The following MEF2A variants were observed in gnomAD, a reference collection of about 807,000 sequenced individuals.
MEF2A encodes the protein myocyte enhancer factor 2A, also known as myocyte-specific enhancer factor 2A.
A neutral mutation model predicts 55.8 loss-of-function variants in MEF2A; 28 were observed. The ratio of observed to expected loss-of-function variants is 0.50; its 90% CI spans 0.37 to 0.69. The LOEUF (loss-of-function observed/expected upper bound fraction) is 0.69, where lower values mean the gene tolerates loss of function less well. Ranked by LOEUF, MEF2A falls within the 30% of genes least tolerant of loss-of-function variation. The pLI is 0.00. For missense variants in MEF2A, 528 were observed against 626.2 expected, an observed-to-expected ratio of 0.84 and a Z score of 1.67; for synonymous variants, 239 against 227.1, an observed-to-expected ratio of 1.05 and a Z score of -0.47.
intron 4 of MEF2A, among the ~76,000 whole-genome samples, chr15:99,667,165 G>A (rs1490874127): frequency 6.6e-6 from 1 of 152,118 alleles, no homozygotes; most frequent in Non-Finnish European, 1.5e-5. Context: ...AGTGAGTTGG[G>A]TGGTTTCACA....
chr15:99,696,054 T>C (rs1246398052), intron 8 of MEF2A, among the ~76,000 whole-genome samples: 2 of 152,174 alleles, frequency 1.3e-5, no homozygotes, highest in Middle Eastern at 3.2e-3. Flanking sequence ...TAGTCCACTT[T>C]CCAAGAAATA....
intron 3 of MEF2A, among the ~76,000 whole-genome samples, chr15:99,638,397 T>A (rs909619205): frequency 1.3e-5 from 2 of 152,174 alleles, no homozygotes; most frequent in African/African-American, 4.8e-5. Context: ...TGTGTCCCAT[T>A]TTTTTCCTTC....
intron 2 of MEF2A, among the ~76,000 whole-genome samples, chr15:99,631,742 G>A (rs1260093417): frequency 2.6e-5 from 4 of 151,768 alleles, no homozygotes; most frequent in Non-Finnish European, 5.9e-5. Flanking sequence ...TAGGTTATCA[G>A]TTAATAGATG....
At chr15:99,607,897 G>A (rs1161207097) in intron 2 of MEF2A, among the ~76,000 whole-genome samples, 3 of 152,174 alleles carry the variant, frequency 2.0e-5, no homozygotes, top group Non-Finnish European at 4.4e-5. Context: ...TCTCTAAGGA[G>A]TTCAAGGTGC....
At position 99,699,905 on chromosome 15, in the gene MEF2A, G is replaced by A. The variant is rs74246795; in HGVS notation, c.859-3457G>A. On this transcript the variant is annotated intron_variant, in intron 8 of 11. Transcript: ENST00000557942. ...GGGGGTTGGGGGTGGGGTCTAGAAT[G>A]AGCCTGTGTTTCAGGGTTATAGTTG... Among the ~76,000 whole-genome samples the A allele has an allele frequency of 1.8e-3, 272 of 151,942 alleles. 6 individuals are homozygous for A. The East Asian group carries it at 0.029, about 16-fold the overall frequency.
chr15:99,682,932 A>G (rs1186708644), intron 7 of MEF2A, among the ~76,000 whole-genome samples: 1 of 152,230 alleles, frequency 6.6e-6, no homozygotes, highest in Non-Finnish European at 1.5e-5. Context: ...ACACATATTC[A>G]TGCCATTGTA....
intron 1 of MEF2A, among the ~76,000 whole-genome samples, chr15:99,581,927 CAG>C (rs1425569629): frequency 2.0e-5 from 3 of 151,938 alleles, no homozygotes; most frequent in Non-Finnish European, 2.9e-5. Context: ...AGAGCCAAAA[CAG>C]AAAAAGAAGA....
At chr15:99,658,746 C>T (rs573092187) in intron 4 of MEF2A, among the ~76,000 whole-genome samples, 1 of 152,220 alleles carries the variant, frequency 6.6e-6, no homozygotes, top group Admixed American at 6.5e-5. Context: ...AAATGATATC[C>T]TAAGTGTGCT....
intron 4 of MEF2A, among the ~76,000 whole-genome samples, chr15:99,664,413 G>C (rs2049220928): frequency 6.6e-6 from 1 of 152,178 alleles, no homozygotes; most frequent in Non-Finnish European, 1.5e-5. Flanking sequence ...ACCAAGGCTG[G>C]TTTGCAAAAT....
intron 1 of MEF2A, among the ~76,000 whole-genome samples, chr15:99,571,106 C>T (rs1044990281): frequency 6.6e-6 from 1 of 151,904 alleles, no homozygotes; most frequent in African/African-American, 2.4e-5. Flanking sequence ...ATCGCTTGAA[C>T]CCAGGAGGCA....
At chr15:99,675,296 A>T in intron 6 of MEF2A, 103 bp from the exon 7 acceptor site, 1 of 1,017,728 alleles carries the variant, frequency 9.8e-7, no homozygotes, top group Non-Finnish European at 1.6e-6. Context: ...TCTTTTTAGG[A>T]TTAGAGTGAG....
intron 7 of MEF2A, among the ~76,000 whole-genome samples, chr15:99,676,160 A>C (rs1597073920): frequency 6.6e-6 from 1 of 152,350 alleles, no homozygotes; most frequent in Admixed American, 6.5e-5. Flanking sequence ...ACAAAGTAGG[A>C]ATAAATGCCT....
chr15:99,613,317 C>A (rs538880459), intron 2 of MEF2A, among the ~76,000 whole-genome samples: 1 of 152,152 alleles, frequency 6.6e-6, no homozygotes, highest in Non-Finnish European at 1.5e-5. Context: ...AAATTGAGAA[C>A]CACTGCATTA....
chr15:99,678,171 G>T (rs565759833), intron 7 of MEF2A, among the ~76,000 whole-genome samples: 33 of 152,066 alleles, frequency 2.2e-4, no homozygotes, highest in Non-Finnish European at 4.3e-4. Context: ...AACCCAACTT[G>T]TAAGTTATTT....
At chr15:99,703,081 A>T (rs915316307) in intron 8 of MEF2A, among the ~76,000 whole-genome samples, 2 of 152,222 alleles carry the variant, frequency 1.3e-5, no homozygotes, top group African/African-American at 4.8e-5. Context: ...TTGCAGTAGC[A>T]TGACTATGTA....
rs199613639 is a variant in MEF2A, at chr15:99,712,390, T to C, written c.1137T>C (p.Val379=). The C allele has an allele frequency of 8.9e-4, 1,360 of 1,530,620 alleles. No individual in the cohort carries two copies. Among genetic ancestry groups the C allele is most frequent in the Non-Finnish European group, 1.1e-3 (1,272 of 1,132,294 alleles). The allele number at this position is 1,530,620 out of a possible 1,614,324, so 94.8% of individuals were successfully genotyped here. ...GACCTCTCTCTTTTTTTTCCTTCAG[T>C]GCTGGAGGGCAGTTATCTCAGGGTT... is the stretch of plus-strand genomic sequence containing the variant. ...HLGQAALSSL[V]AGGQLSQGSN... Residue 379 remains valine (V), a splice_region_variant and synonymous_variant, in exon 12 of 12, where the codon GTT becomes GTC. Transcript: ENST00000557942. The surrounding 1 kb of genome is among the most constrained non-coding windows in gnomAD (Gnocchi z 4.1).
intron 3 of MEF2A, among the ~76,000 whole-genome samples, chr15:99,636,402 AG>A (rs1262858015): frequency 6.6e-6 from 1 of 152,198 alleles, no homozygotes; most frequent in Non-Finnish European, 1.5e-5. Flanking sequence ...GCTGGAGTGC[AG>A]TGGTGCGATC....
chr15:99,569,650 T>A (rs1961265442), intron 1 of MEF2A, among the ~76,000 whole-genome samples: 1 of 152,126 alleles, frequency 6.6e-6, no homozygotes, highest in Non-Finnish European at 1.5e-5. Context: ...ACTGTGGGAG[T>A]GGTCTCTAAG....
intron 1 of MEF2A, among the ~76,000 whole-genome samples, chr15:99,567,130 C>T (rs751492258): frequency 1.3e-5 from 2 of 152,188 alleles, no homozygotes; most frequent in Non-Finnish European, 2.9e-5. Flanking sequence ...AAGCGAGCCT[C>T]CTGTTATGGT....
Sources: allele counts gnomAD v4.1 joint callset (sites outside exome capture counted in the v4.1 genomes callset), GRCh38; gene constraint gnomAD v4.1.1; non-coding constraint Gnocchi (gnomAD v3.1); transcripts MANE v1.5; gene names NCBI Gene and HGNC (gene_info 2026-07-23, HGNC 2026-07-21).